The following SLC2A13 variants were observed in gnomAD, a reference collection of about 807,000 sequenced individuals.
SLC2A13 encodes proton myo-inositol cotransporter.
Under a neutral mutation model 64.4 loss-of-function variants are expected in SLC2A13, and 32 were observed. The ratio of observed to expected loss-of-function variants is 0.50; its 90% confidence interval spans 0.37 to 0.67. The LOEUF (loss-of-function observed/expected upper bound fraction) is 0.67. Among genes scored for constraint, SLC2A13 ranks in the 30% least tolerant of loss-of-function variants. The pLI is 0.00. For missense variants in SLC2A13, 743 were observed against 829.2 expected (o/e 0.90, Z 1.28); for synonymous variants, 338 against 327.1 (o/e 1.03, Z -0.36).
intron 3 of SLC2A13, among the ~76,000 whole-genome samples, chr12:39,965,621 C>T (rs1208782652): frequency 6.6e-6 from 1 of 152,000 alleles, no homozygotes; most frequent in African/African-American, 2.4e-5. Context: ...TAGTGAGGGG[C>T]CTTGCTTTGT....
At chr12:39,762,512 A>T (rs1940193605) in intron 9 of SLC2A13, among the ~76,000 whole-genome samples, 1 of 148,782 alleles carries the variant, frequency 6.7e-6, no homozygotes, top group Non-Finnish European at 1.5e-5. Flanking sequence ...TATAGCAATG[A>T]TACTTTTTAG....
chr12:39,841,738 GA>G (rs1331563556), intron 6 of SLC2A13, among the ~76,000 whole-genome samples: 1 of 151,494 alleles, frequency 6.6e-6, no homozygotes. Flanking sequence ...TTTTTTCAGA[GA>G]AAAAAACAGT....
chr12:39,839,486 A>G (rs1566850328), intron 6 of SLC2A13, among the ~76,000 whole-genome samples: 1 of 152,106 alleles, frequency 6.6e-6, no homozygotes, highest in Non-Finnish European at 1.5e-5. Flanking sequence ...GCTCTCCCAG[A>G]GATTGCTGGT....
chr12:40,071,553 C>G (rs1432803027), intron 1 of SLC2A13, among the ~76,000 whole-genome samples: 2 of 152,130 alleles, frequency 1.3e-5, no homozygotes, highest in African/African-American at 4.8e-5. Context: ...CTGCCTCTAC[C>G]TTCTAAAGGA....
chr12:39,970,343 G>C (rs1946622495), intron 3 of SLC2A13, among the ~76,000 whole-genome samples: 1 of 151,948 alleles, frequency 6.6e-6, no homozygotes. Context: ...GAAGAAAGTT[G>C]CCCTTTCTTG....
intron 6 of SLC2A13, among the ~76,000 whole-genome samples, chr12:39,861,246 T>G (rs1416156148): frequency 1.3e-5 from 2 of 152,248 alleles, no homozygotes; most frequent in African/African-American, 2.4e-5. Flanking sequence ...ATTCTAACAA[T>G]GACTGTAATG....
At chr12:39,771,398 T>C (rs2135724655) in intron 7 of SLC2A13, among the ~76,000 whole-genome samples, 1 of 152,270 alleles carries the variant, frequency 6.6e-6, no homozygotes, top group South Asian at 2.1e-4. Flanking sequence ...CGCCATGCTG[T>C]AGGATGCCTA....
At chr12:39,899,918 G>C (rs535049744) in intron 4 of SLC2A13, among the ~76,000 whole-genome samples, 109 of 152,128 alleles carry the variant, frequency 7.2e-4, no homozygotes, top group East Asian at 1.2e-3. Flanking sequence ...GTCAATTTTG[G>C]AATAGGTGTG....
At chr12:39,836,125 A>ACCTTTT (rs1942996338) in intron 6 of SLC2A13, among the ~76,000 whole-genome samples, 1 of 152,142 alleles carries the variant, frequency 6.6e-6, no homozygotes, top group Non-Finnish European at 1.5e-5. Context: ...TTTCATAGTA[A>ACCTTTT]AAGGACATTA....
intron 4 of SLC2A13, among the ~76,000 whole-genome samples, chr12:39,876,389 A>G (rs950590688): frequency 1.3e-5 from 2 of 152,210 alleles, no homozygotes; most frequent in African/African-American, 4.8e-5. Flanking sequence ...CTAAGTTCCT[A>G]TTTGAACAAA....
intron 4 of SLC2A13, among the ~76,000 whole-genome samples, chr12:39,941,867 C>T (rs1165578448): frequency 6.6e-6 from 1 of 152,042 alleles, no homozygotes; most frequent in African/African-American, 2.4e-5. Context: ...GTCCTTAATC[C>T]ATTTTGAGTT....
At chr12:39,824,392 A>C (rs1942609617) in intron 7 of SLC2A13, among the ~76,000 whole-genome samples, 4 of 152,182 alleles carry the variant, frequency 2.6e-5, no homozygotes, top group Admixed American at 6.5e-5. Flanking sequence ...GGCATGAGCC[A>C]GATTCAATCA....
At chr12:39,945,909 T>TTG (rs1555141103) in intron 4 of SLC2A13, among the ~76,000 whole-genome samples, 4 of 149,414 alleles carry the variant, frequency 2.7e-5, no homozygotes, top group Non-Finnish European at 3.0e-5. Context: ...CGTGATTTTT[T>TTG]GTGGGGGGGT....
In SLC2A13 at chr12:39,885,147, A is replaced by T. The variant is rs576739374; in HGVS notation, c.1035-13186T>A. On this transcript the variant is annotated intron_variant, in intron 4 of 9. Transcript: ENST00000280871. ...AAAGGAGCTCTGTGCACTGCAGCTC[A>T]TGAGGCAAAAGAACTGAGTGGGGAA... 2.6e-5 allele frequency among the ~76,000 whole-genome samples: 4 copies of T among 152,336 alleles called. No individual in the cohort carries two copies. The South Asian group carries it at 6.2e-4, about 24-fold the overall frequency.
Position 40,048,131 on chromosome 12 carries a change from A to T in SLC2A13, c.636T>A (p.Asn212Lys), listed in dbSNP as rs539503212. The change falls in exon 2 of 10, where the codon AAT (asparagine) becomes AAA (lysine). Residue 212 changes from asparagine to lysine, a missense_variant. Asn to Lys is a moderately conservative substitution (Grantham distance 94). Transcript: ENST00000280871. ...ACTGCCCTCCTGTGATGAAGAGGGT[A>T]TTAATGGTGACTAATCGGCCTCTTA... ...PNLRGRLVTI[N>K]TLFITGGQFF... 1 of 1,613,694 alleles carries T rather than the reference A, an allele frequency of 6.2e-7. No homozygotes were observed. Among genetic ancestry groups the T allele is most frequent in the East Asian group, 2.2e-5 (1 of 44,858 alleles).
intron 7 of SLC2A13, chr12:39,788,740 T>C (rs979911817): frequency 3.9e-5 from 6 of 152,144 alleles, no homozygotes; most frequent in African/African-American, 1.2e-4. Context: ...TCTGTAGTAA[T>C]ATAATGATGC....
chr12:39,979,516 C>T (rs1381223005), intron 3 of SLC2A13, among the ~76,000 whole-genome samples: 3 of 149,122 alleles, frequency 2.0e-5, no homozygotes, highest in Admixed American at 6.7e-5. Flanking sequence ...TCGAGAACTA[C>T]GTGAAGAATG....
Position 39,816,485 on chromosome 12 carries a change from C to G in SLC2A13, c.1445+13618G>C, listed in dbSNP as rs948312189. ...TAGGAGATATACCTAATGTAAATGA[C>G]GAGTTAATGGGTGCAGCACACCAAC... On this transcript the variant is annotated intron_variant, in intron 7 of 9. Coordinates refer to ENST00000280871, the MANE Select transcript of SLC2A13 (RefSeq NM_052885.4). 2.0e-5 allele frequency among the ~76,000 whole-genome samples: 3 copies of G among 150,376 alleles called. No individual in the cohort carries two copies. In the East Asian group the frequency reaches 5.9e-4, roughly 29 times the overall value.
intron 2 of SLC2A13, among the ~76,000 whole-genome samples, chr12:40,046,909 T>TC (rs1369567760): frequency 6.6e-6 from 1 of 151,308 alleles, no homozygotes; most frequent in African/African-American, 2.4e-5. Flanking sequence ...TTTCTTTCTT[T>TC]TTTTTTTTTT....
Sources: gnomAD v4.1 joint callset for allele counts (sites outside exome capture counted in the v4.1 genomes callset) on GRCh38, gnomAD v4.1.1 for gene constraint, MANE v1.5 for transcripts, NCBI Gene and HGNC (gene_info 2026-07-23, HGNC 2026-07-21) for gene names.